Variants in TENM3 observed in about 807,000 individuals in gnomAD.
The protein encoded by TENM3 is teneurin-3.
Under a neutral mutation model 255.1 loss-of-function variants are expected in TENM3, and 63 were observed. That is an observed-to-expected ratio of 0.25 (90% CI 0.20 to 0.30). The LOEUF is 0.30. Ranked by LOEUF, TENM3 falls within the 10% of genes least tolerant of loss-of-function variation. The probability of loss-of-function intolerance (pLI) is 1.00; values close to 1 mark genes in which losing one functional copy is unlikely to be tolerated. For synonymous variants in TENM3, 1,306 were observed against 1,322.3 expected (o/e 0.99, Z 0.27); for missense variants, 2,929 against 3,461.1 (o/e 0.85, Z 3.86).
chr4:181,922,576 T>G, the TENM3 span, among the ~76,000 whole-genome samples: 2 of 152,200 alleles, frequency 1.3e-5, no homozygotes, highest in African/African-American at 4.8e-5. Context: ...GGATCGGTGG[T>G]GATATCCCCT....
intron 1 of TENM3, among the ~76,000 whole-genome samples, chr4:182,196,257 A>G (rs774114976): frequency 2.6e-5 from 4 of 152,096 alleles, no homozygotes; most frequent in African/African-American, 4.8e-5. Context: ...ACCAGTGGAC[A>G]TGCTTTTTGG....
the TENM3 span, among the ~76,000 whole-genome samples, chr4:181,925,392 A>G: frequency 6.6e-6 from 1 of 152,194 alleles, no homozygotes; most frequent in Non-Finnish European, 1.5e-5. Flanking sequence ...TAATTGCTTT[A>G]ATTTATCACA....
At chr4:182,237,322 GTATCTT>G (rs1305175685) in intron 1 of TENM3, among the ~76,000 whole-genome samples, 1 of 151,758 alleles carries the variant, frequency 6.6e-6, no homozygotes, top group African/African-American at 2.4e-5. Context: ...ACATATGCAT[GTATCTT>G]TATAACAGAA....
the TENM3 span, among the ~76,000 whole-genome samples, chr4:182,072,216 C>T: frequency 6.6e-6 from 1 of 152,164 alleles, no homozygotes; most frequent in African/African-American, 2.4e-5. Context: ...TTCACTCTCA[C>T]CCATACAGAT....
At chr4:181,774,003 G>GTTTTTT in the TENM3 span, among the ~76,000 whole-genome samples, 651 of 89,858 alleles carry the variant, frequency 7.2e-3, no homozygotes, top group Middle Eastern at 0.016. Context: ...TGGTGGCTGT[G>GTTTTTT]TTTTTTTTTT....
chr4:181,764,887 G>T, the TENM3 span, among the ~76,000 whole-genome samples: 1 of 151,696 alleles, frequency 6.6e-6, no homozygotes. Context: ...TAGGAAAGAG[G>T]TCTCACTGTC....
the TENM3 span, among the ~76,000 whole-genome samples, chr4:181,835,696 A>G: frequency 7.9e-5 from 12 of 152,214 alleles, no homozygotes; most frequent in Admixed American, 1.3e-4. Context: ...GAAGAACGTG[A>G]TGAGGCTTGC....
chr4:181,578,821 A>G, the TENM3 span, among the ~76,000 whole-genome samples: 1 of 152,086 alleles, frequency 6.6e-6, no homozygotes, highest in African/African-American at 2.4e-5. Flanking sequence ...TTAACTCATT[A>G]TGCCTCATTT....
the TENM3 span, among the ~76,000 whole-genome samples, chr4:181,848,550 C>A: frequency 1.3e-5 from 2 of 152,140 alleles, no homozygotes; most frequent in African/African-American, 4.8e-5. Context: ...GTTAACACTG[C>A]ATGATAATGG....
At chr4:181,552,611 T>C in the TENM3 span, among the ~76,000 whole-genome samples, 6 of 152,216 alleles carry the variant, frequency 3.9e-5, no homozygotes, top group South Asian at 1.0e-3. Context: ...TGCCATATCG[T>C]AGGCTGTAGC....
intron 1 of TENM3, among the ~76,000 whole-genome samples, chr4:182,167,742 G>C (rs1751815079): frequency 6.6e-6 from 1 of 151,982 alleles, no homozygotes; most frequent in Admixed American, 6.6e-5. Context: ...CGGGTGCAGG[G>C]GTGCATGCCT....
At position 182,673,434 on chromosome 4, in the gene TENM3, A is replaced by C. The variant is rs189493802; in HGVS notation, c.1326+215A>C. Reference sequence around the variant, plus strand: ...TTTTCTTCCTGATTTGACTGTTTAAAATGTACTGAATTTTGTGAGGAACTT... The same window carrying C: ...TTTTCTTCCTGATTTGACTGTTTAACATGTACTGAATTTTGTGAGGAACTT... On this transcript the variant is annotated intron_variant, in intron 7 of 27. Transcript: ENST00000511685. 2.0e-4 allele frequency among the ~76,000 whole-genome samples: 31 copies of C among 152,248 alleles called. No individual in the cohort carries two copies. The East Asian group carries it at 5.8e-3, about 28-fold the overall frequency.
chr4:181,678,650 T>A, the TENM3 span, among the ~76,000 whole-genome samples: 5 of 152,062 alleles, frequency 3.3e-5, no homozygotes, highest in Non-Finnish European at 7.4e-5. Flanking sequence ...AATAAAAGTA[T>A]CATTTAATAA....
intron 3 of TENM3, among the ~76,000 whole-genome samples, chr4:182,450,064 A>G (rs576087817): frequency 2.0e-4 from 31 of 152,216 alleles, no homozygotes; most frequent in Non-Finnish European, 3.4e-4. Flanking sequence ...CTGAAAGCCT[A>G]ATATAATCAA....
intron 1 of TENM3, among the ~76,000 whole-genome samples, chr4:182,150,475 T>G (rs1750264983): frequency 6.6e-6 from 1 of 152,054 alleles, no homozygotes; most frequent in African/African-American, 2.4e-5. Flanking sequence ...AGAGTATCAG[T>G]TTTTAAATTT....
At chr4:182,432,849 G>GGTGTGTGTGTGTGTGTGTGT (rs70956512) in intron 3 of TENM3, among the ~76,000 whole-genome samples, 1,526 of 143,066 alleles carry the variant, frequency 0.011, 25 homozygotes, top group African/African-American at 0.02. Context: ...AATGGATTTG[G>GGTGTGTGTGTGTGTGTGTGT]GTGTGTGTGT....
the TENM3 span, among the ~76,000 whole-genome samples, chr4:181,570,428 G>A: frequency 6.6e-6 from 1 of 151,970 alleles, no homozygotes; most frequent in African/African-American, 2.4e-5. Context: ...TTGAGTTTTA[G>A]AGGTCAAGGC....
the TENM3 span, among the ~76,000 whole-genome samples, chr4:181,487,764 G>T: frequency 6.6e-6 from 1 of 152,136 alleles, no homozygotes; most frequent in Non-Finnish European, 1.5e-5. Flanking sequence ...GTCCAGAAAA[G>T]CATATCTGGG....
At chr4:181,558,401 A>C in the TENM3 span, among the ~76,000 whole-genome samples, 1 of 152,352 alleles carries the variant, frequency 6.6e-6, no homozygotes, top group South Asian at 2.1e-4. Flanking sequence ...GAACATGAAT[A>C]AACAGTTTGG....
Sources: gnomAD v4.1 joint callset for allele counts (sites outside exome capture counted in the v4.1 genomes callset) on GRCh38, gnomAD v4.1.1 for gene constraint, MANE v1.5 for transcripts, NCBI Gene and HGNC (gene_info 2026-07-23, HGNC 2026-07-21) for gene names.